The following FOXP2 variants were observed in gnomAD, a reference collection of about 807,000 sequenced individuals.
The protein encoded by FOXP2 is forkhead box protein P2.
FOXP2 carries 12 observed loss-of-function variants against 115.8 expected under a neutral mutation model. The observed-to-expected ratio is 0.10, with a 90% confidence interval of 0.07 to 0.17. The LOEUF is 0.17. Among genes scored for constraint, FOXP2 ranks in the 10% least tolerant of loss-of-function variants. The pLI, the probability that FOXP2 is intolerant of heterozygous loss-of-function variation, is 1.00. For synonymous variants in FOXP2, 328 were observed against 297.7 expected (o/e 1.10, Z -1.05); for missense variants, 629 against 843.5 (o/e 0.75, Z 3.15).
At position 114,353,580 on chromosome 7, in the gene FOXP2, A is replaced by G. The variant is rs572129519; in HGVS notation, c.-11+65471A>G. 2.0e-5 allele frequency among the ~76,000 whole-genome samples: 3 copies of G among 152,168 alleles called. No homozygotes were observed. The South Asian group carries it at 6.2e-4, about 32-fold the overall frequency. On this transcript the variant is annotated intron_variant, in intron 2 of 17. Coordinates refer to the FOXP2 transcript ENST00000634411. The stretch of plus-strand genomic sequence containing the variant: ...ACATTCAATCCACTTCATTTCTTTT[A>G]AAAATCATCCATAAACTTTGACACT...
intron 1 of FOXP2, among the ~76,000 whole-genome samples, chr7:114,100,253 A>G (rs1799748197): frequency 6.6e-6 from 1 of 152,152 alleles, no homozygotes; most frequent in South Asian, 2.1e-4. Context: ...AATTTTTTCT[A>G]TGCTGAAGAA....
chr7:114,369,125 G>T (rs1177219241), intron 2 of FOXP2, among the ~76,000 whole-genome samples: 1 of 152,134 alleles, frequency 6.6e-6, no homozygotes, highest in Non-Finnish European at 1.5e-5. Context: ...AAGTTGGACT[G>T]TTTGGATTCT....
intron 3 of FOXP2, among the ~76,000 whole-genome samples, chr7:114,562,889 C>G (rs545736603): frequency 6.6e-6 from 1 of 152,010 alleles, no homozygotes; most frequent in Admixed American, 6.6e-5. Context: ...TTACTCTGTC[C>G]TCACGCTGCT....
intron 2 of FOXP2, among the ~76,000 whole-genome samples, chr7:114,454,808 G>A (rs1795226541): frequency 7.8e-6 from 1 of 128,604 alleles, no homozygotes; most frequent in African/African-American, 3.1e-5. Flanking sequence ...TCATAGGTGG[G>A]AATTGAACAA....
chr7:114,356,112 G>A (rs145354074), intron 2 of FOXP2, among the ~76,000 whole-genome samples: 1 of 152,078 alleles, frequency 6.6e-6, no homozygotes, highest in South Asian at 2.1e-4. Context: ...TTCCCCCGTA[G>A]AAAGGCCCAA....
At chr7:114,187,606 A>G (rs770265086) in intron 1 of FOXP2, among the ~76,000 whole-genome samples, 9 of 152,198 alleles carry the variant, frequency 5.9e-5, no homozygotes, top group Non-Finnish European at 1.2e-4. Context: ...GTAAATACAG[A>G]CTTTCCTATA....
intron 2 of FOXP2, among the ~76,000 whole-genome samples, chr7:114,318,887 G>A (rs1270869512): frequency 1.3e-5 from 2 of 152,002 alleles, no homozygotes. Flanking sequence ...GAAAATATCT[G>A]TAAATAATTA....
intron 16 of FOXP2, among the ~76,000 whole-genome samples, chr7:114,688,208 T>TACAC (rs56751704): frequency 0.27 from 30,763 of 114,912 alleles, 4,427 homozygotes; most frequent in Middle Eastern, 0.4. Context: ...CATACATGCA[T>TACAC]ACACACACAC....
rs1026391873 is a variant in FOXP2, at chr7:114,692,370, A to T, written c.*2444A>T. 5 of 453,314 alleles carry T rather than the reference A, an allele frequency of 1.1e-5. No individual in the cohort carries two copies. The highest frequency in any genetic ancestry group is 6.0e-5 in the African/African-American group (3 of 49,940). The allele number at this position is 453,314 out of a possible 1,614,324, so 28.1% of individuals were successfully genotyped here. On this transcript the variant is annotated 3_prime_UTR_variant, in exon 17 of 17. Transcript: ENST00000350908. Reference sequence around the variant, plus strand: ...ACAATTTTAAAAAATAGCTGCTTGCACATTATACCAGAAAAACCTCCAAAA... The same window carrying T: ...ACAATTTTAAAAAATAGCTGCTTGCTCATTATACCAGAAAAACCTCCAAAA...
chr7:114,675,761 G>A (rs138162566), intron 16 of FOXP2, among the ~76,000 whole-genome samples: 4 of 151,944 alleles, frequency 2.6e-5, no homozygotes, highest in Non-Finnish European at 5.9e-5. Flanking sequence ...CAAAATCTAT[G>A]CATATCAATG....
chr7:114,142,723 C>T (rs1352460920), intron 1 of FOXP2, among the ~76,000 whole-genome samples: 1 of 152,086 alleles, frequency 6.6e-6, no homozygotes, highest in African/African-American at 2.4e-5. Flanking sequence ...CTCTTCCTTT[C>T]TCCATGTGGA....
rs1470294001 is a variant in FOXP2 at position 114,499,141 on chromosome 7, A to G, written c.169-35476A>G. ...TTTGAGAACCACTGGCCTAGAAGAA[A>G]TGAACTACTGCAACTTATGAGGAAT... On this transcript the variant is annotated intron_variant, in intron 2 of 16. Transcript: ENST00000350908. 1.2e-5 allele frequency: 6 copies of G among 502,312 alleles called. No individual in the cohort carries two copies. In the Admixed American group the frequency reaches 1.8e-4, roughly 15 times the overall value. The allele number at this position is 502,312 out of a possible 1,614,324, so 31.1% of individuals were successfully genotyped here.
intron 2 of FOXP2, among the ~76,000 whole-genome samples, chr7:114,400,939 C>T (rs1256400879): frequency 6.6e-6 from 1 of 151,928 alleles, no homozygotes; most frequent in Admixed American, 6.5e-5. Flanking sequence ...ATAATCAAGG[C>T]TCAGGGTGGG....
chr7:114,141,941 T>G (rs1792222899), intron 1 of FOXP2, among the ~76,000 whole-genome samples: 1 of 152,218 alleles, frequency 6.6e-6, no homozygotes, highest in Non-Finnish European at 1.5e-5. Context: ...AGGTACAGGT[T>G]GGACTTTTTG....
At chr7:114,502,183 CA>C (rs1292319229) in intron 2 of FOXP2, among the ~76,000 whole-genome samples, 2 of 152,124 alleles carry the variant, frequency 1.3e-5, no homozygotes, top group African/African-American at 4.8e-5. Context: ...GGTCATTCAG[CA>C]TACTTAAGGC....
At chr7:114,511,642 C>A (rs1798084704) in intron 2 of FOXP2, among the ~76,000 whole-genome samples, 1 of 152,016 alleles carries the variant, frequency 6.6e-6, no homozygotes, top group South Asian at 2.1e-4. Context: ...AGTTATACTA[C>A]AAAATACAAA....
intron 2 of FOXP2, among the ~76,000 whole-genome samples, chr7:114,405,233 T>G (rs1032104880): frequency 1.3e-5 from 2 of 151,894 alleles, no homozygotes; most frequent in African/African-American, 4.8e-5. Context: ...GATATGTAAT[T>G]TGAACAGATA....
chr7:114,157,492 C>T (rs2129149819), intron 1 of FOXP2, among the ~76,000 whole-genome samples: 1 of 152,060 alleles, frequency 6.6e-6, no homozygotes, highest in African/African-American at 2.4e-5. Flanking sequence ...TCTAATAGCT[C>T]AGTTTGATTC....
chr7:114,548,551 T>C (rs1344056334), intron 3 of FOXP2, among the ~76,000 whole-genome samples: 1 of 152,204 alleles, frequency 6.6e-6, no homozygotes, highest in African/African-American at 2.4e-5. Flanking sequence ...TGTTTGTTTG[T>C]TTTCTAGGAA....
Sources: allele counts gnomAD v4.1 joint callset (sites outside exome capture counted in the v4.1 genomes callset), GRCh38; gene constraint gnomAD v4.1.1; transcripts MANE v1.5; gene names NCBI Gene and HGNC (gene_info 2026-07-23, HGNC 2026-07-21).